MYL10: variants seen among roughly 807,000 people sequenced by gnomAD.
MYL10 encodes myosin regulatory light chain 10.
MYL10 carries 18 observed loss-of-function variants against 21.9 expected under a neutral mutation model. The ratio of observed to expected loss-of-function variants is 0.82; its 90% CI spans 0.57 to 1.22. MYL10 has a LOEUF of 1.22. Among genes scored for constraint, MYL10 ranks in the 50% most tolerant of loss-of-function variants. MYL10 has a pLI of 0.00. For missense variants in MYL10, 225 were observed against 230.4 expected, an observed-to-expected ratio of 0.98 and a Z score of 0.15; for synonymous variants, 88 against 82.8, an observed-to-expected ratio of 1.06 and a Z score of -0.34.
chr7:101,624,801 C>G (rs894847221), intron 1 of MYL10, among the ~76,000 whole-genome samples: 3 of 152,120 alleles, frequency 2.0e-5, no homozygotes, highest in African/African-American at 7.2e-5. Context: ...GCCTGGAATG[C>G]GTTGCTCTGT....
At chr7:101,617,426 G>A (rs190735712) in intron 5 of MYL10, among the ~76,000 whole-genome samples, 2 of 152,210 alleles carry the variant, frequency 1.3e-5, no homozygotes, top group Admixed American at 6.5e-5. Flanking sequence ...GCTCAGAGAT[G>A]TTTCATTACT....
chr7:101,624,617 G>A (rs570432823), intron 1 of MYL10, among the ~76,000 whole-genome samples: 4 of 152,120 alleles, frequency 2.6e-5, no homozygotes, highest in Non-Finnish European at 5.9e-5. Flanking sequence ...ACTACAGCTG[G>A]AATCTGACCT....
At chr7:101,618,254 G>A (rs1295411334) in intron 5 of MYL10, among the ~76,000 whole-genome samples, 2 of 152,242 alleles carry the variant, frequency 1.3e-5, no homozygotes, top group Non-Finnish European at 1.5e-5. Context: ...GCGAGGGCAG[G>A]GCTCCAGGCC....
At chr7:101,622,302 C>T in intron 4 of MYL10, 102 bp from the exon 5 acceptor site, 1 of 843,698 alleles carries the variant, frequency 1.2e-6, no homozygotes, top group Non-Finnish European at 1.8e-6. Flanking sequence ...CCACGTGCCC[C>T]CCACTCAGCC....
intron 6 of MYL10, 28 bp from the exon 7 acceptor site, chr7:101,613,738 T>G (rs1290522842): frequency 6.2e-7 from 1 of 1,612,934 alleles, no homozygotes; most frequent in Admixed American, 1.7e-5. Flanking sequence ...ACAGTCATGT[T>G]CAGGGAACGG....
At chr7:101,627,843 G>A (rs760730496) in intron 1 of MYL10, among the ~76,000 whole-genome samples, 8 of 152,238 alleles carry the variant, frequency 5.3e-5, no homozygotes, top group Non-Finnish European at 7.3e-5. Context: ...GCCTTGAGCC[G>A]TCAGGGAGTG....
At position 101,624,219 on chromosome 7, in the gene MYL10, T is replaced by G. The variant is rs748436420; in HGVS notation, c.124A>C (p.Asn42His). The G allele has an allele frequency of 1.2e-6, 2 of 1,613,844 alleles. No individual in the cohort carries two copies. The highest frequency in any genetic ancestry group is 1.7e-6 in the Non-Finnish European group (2 of 1,179,920). The stretch of plus-strand genomic sequence containing the variant: ...GACTGATCAAACATGGAGAAGACGT[T>G]GGAGCTGGCGGTGCCTTCTGCTCTT... Reference protein sequence around the residue: ...RKRAEGTASSNVFSMFDQSQI... With the variant: ...RKRAEGTASSHVFSMFDQSQI... The change falls in exon 2 of 8, where the codon AAC (asparagine) becomes CAC (histidine). Residue 42 changes from asparagine to histidine, a missense_variant. Transcript: ENST00000223167.
At position 101,618,763 on chromosome 7, in the gene MYL10, G is replaced by T. The variant is rs909965341; in HGVS notation, c.455-2465C>A. Among the ~76,000 whole-genome samples, 3 of 151,922 alleles carry T rather than the reference G, an allele frequency of 2.0e-5. No homozygotes were observed. The East Asian group carries it at 5.8e-4, about 30-fold the overall frequency. Reference sequence around the variant, plus strand: ...TCACGCAGTCTGGCCACGTCTGCATGACAGGCTCAGCCGGAGCCCCAGTCC... The same window carrying T: ...TCACGCAGTCTGGCCACGTCTGCATTACAGGCTCAGCCGGAGCCCCAGTCC... On this transcript the variant is annotated intron_variant, in intron 5 of 7. Transcript: ENST00000223167.
At chr7:101,620,381 C>T (rs1055770470) in intron 5 of MYL10, among the ~76,000 whole-genome samples, 6 of 151,904 alleles carry the variant, frequency 3.9e-5, no homozygotes, top group African/African-American at 9.7e-5. Context: ...TAGAAGAGGG[C>T]GGGGCCATTG....
intron 6 of MYL10, among the ~76,000 whole-genome samples, chr7:101,615,024 C>T (rs1047280033): frequency 1.2e-4 from 19 of 152,264 alleles, no homozygotes; most frequent in South Asian, 4.1e-4. Flanking sequence ...TGCCACTCCC[C>T]CGCCCACTCC....
chr7:101,621,314 G>A (rs924273151), intron 5 of MYL10, among the ~76,000 whole-genome samples: 1 of 152,082 alleles, frequency 6.6e-6, no homozygotes, highest in Non-Finnish European at 1.5e-5. Flanking sequence ...TGACTCCTCT[G>A]GATCTGAGTC....
chr7:101,626,064 T>C (rs1350628324), intron 1 of MYL10, among the ~76,000 whole-genome samples: 2 of 152,092 alleles, frequency 1.3e-5, no homozygotes, highest in Non-Finnish European at 2.9e-5. Context: ...CTTTTGAGAA[T>C]GGGCCCCTGA....
intron 5 of MYL10, among the ~76,000 whole-genome samples, chr7:101,619,046 A>G (rs6957219): frequency 0.98 from 148,807 of 152,244 alleles, 72,743 homozygotes; most frequent in East Asian, 1. Context: ...AGGTGCTCAC[A>G]GCCTCACCTC....
chr7:101,615,764 G>A (rs1314590997), intron 6 of MYL10, among the ~76,000 whole-genome samples: 1 of 144,096 alleles, frequency 6.9e-6, no homozygotes, highest in East Asian at 2.1e-4. Context: ...GCGTGATCTC[G>A]GCTCACTGCA....
intron 5 of MYL10, among the ~76,000 whole-genome samples, chr7:101,617,408 A>G (rs1796621026): frequency 6.6e-6 from 1 of 152,254 alleles, no homozygotes; most frequent in South Asian, 2.1e-4. Flanking sequence ...TTATCATAGA[A>G]AAAACAGGCT....
chr7:101,628,918 C>T (rs1002633057), intron 1 of MYL10, 123 bp downstream of exon 1: 24 of 385,042 alleles, frequency 6.2e-5, no homozygotes, highest in South Asian at 2.8e-4. Context: ...TCTTAAAACA[C>T]GTGTCCTCAC....
At chr7:101,622,066 C>A (rs1332576195) in intron 5 of MYL10, 30 bp downstream of exon 5, 5 of 1,552,332 alleles carry the variant, frequency 3.2e-6, no homozygotes, top group Admixed American at 1.7e-5. Context: ...TTCCCTGCTG[C>A]CCCTCCAGGA....
intron 5 of MYL10, among the ~76,000 whole-genome samples, chr7:101,620,790 T>C (rs2130739476): frequency 6.7e-6 from 1 of 150,346 alleles, no homozygotes; most frequent in South Asian, 2.1e-4. Flanking sequence ...TTTTTTTTTT[T>C]TTTTCTTTTT....
intron 6 of MYL10, among the ~76,000 whole-genome samples, chr7:101,614,826 G>A (rs184915151): frequency 6.6e-5 from 10 of 152,232 alleles, no homozygotes; most frequent in Admixed American, 1.3e-4. Flanking sequence ...TTTGAGATGC[G>A]AGAATCTCAA....
Sources: allele counts gnomAD v4.1 joint callset (sites outside exome capture counted in the v4.1 genomes callset), GRCh38; gene constraint gnomAD v4.1.1; transcripts MANE v1.5; gene names NCBI Gene and HGNC (gene_info 2026-07-23, HGNC 2026-07-21).